The following KCNMA1 variants were observed in gnomAD, a reference collection of about 807,000 sequenced individuals.
KCNMA1 encodes potassium calcium-activated channel subfamily M alpha 1.
In KCNMA1, 29 loss-of-function variants were observed where a neutral mutation model predicts 140.0. That is an observed-to-expected ratio of 0.21 (90% CI 0.15 to 0.28). The LOEUF (loss-of-function observed/expected upper bound fraction) is 0.28, where lower values mean the gene tolerates loss of function less well. Ranked by LOEUF, KCNMA1 falls within the 10% of genes least tolerant of loss-of-function variation. KCNMA1 has a pLI of 1.00. For synonymous variants in KCNMA1, 612 were observed against 611.9 expected, an observed-to-expected ratio of 1.00 and a Z score of 0.00; for missense variants, 880 against 1,602.2, an observed-to-expected ratio of 0.55 and a Z score of 7.70.
intron 1 of KCNMA1, among the ~76,000 whole-genome samples, chr10:77,626,671 G>A (rs1001770804): frequency 2.0e-5 from 3 of 152,136 alleles, no homozygotes; most frequent in African/African-American, 7.2e-5. Flanking sequence ...TCTGCTCTTG[G>A]TTAACAAGCA....
chr10:77,259,060 A>G (rs984297135), intron 2 of KCNMA1, among the ~76,000 whole-genome samples: 1 of 152,222 alleles, frequency 6.6e-6, no homozygotes, highest in Non-Finnish European at 1.5e-5. Flanking sequence ...GAGCCATTTA[A>G]TCATCCATAG....
intron 1 of KCNMA1, among the ~76,000 whole-genome samples, chr10:77,496,309 G>A (rs1291238772): frequency 6.6e-6 from 1 of 152,044 alleles, no homozygotes; most frequent in Admixed American, 6.6e-5. Flanking sequence ...AAGAAAGAGA[G>A]GACAGGGCCG....
intron 1 of KCNMA1, among the ~76,000 whole-genome samples, chr10:77,416,819 T>C (rs1057349883): frequency 2.0e-5 from 3 of 152,196 alleles, no homozygotes; most frequent in African/African-American, 7.2e-5. Flanking sequence ...TGCACTGAAA[T>C]AATAAATGAA....
chr10:77,031,962 G>A (rs936854998), intron 15 of KCNMA1, among the ~76,000 whole-genome samples: 1 of 152,212 alleles, frequency 6.6e-6, no homozygotes, highest in Non-Finnish European at 1.5e-5. Flanking sequence ...TCTATGCAGA[G>A]AAAGCTTGGA....
rs1590957204 is a variant in KCNMA1, at chr10:76,927,818, A to T, written c.2903-12769T>A. On this transcript the variant is annotated intron_variant, in intron 23 of 27. Coordinates refer to ENST00000286628, the MANE Select transcript of KCNMA1 (RefSeq NM_001161352.2). ...TCTAGTTTTGTTGTTGGTAATTAGC[A>T]AACATTACCCAGCATAGACTCCCAC... Among the ~76,000 whole-genome samples, 3 of 152,350 alleles carry T rather than the reference A, an allele frequency of 2.0e-5. No homozygotes were observed. In the South Asian group the frequency reaches 6.2e-4, roughly 32 times the overall value.
intron 2 of KCNMA1, among the ~76,000 whole-genome samples, chr10:77,301,528 T>C (rs2076523502): frequency 6.6e-6 from 1 of 152,232 alleles, no homozygotes; most frequent in African/African-American, 2.4e-5. Flanking sequence ...TTCTTTTTCC[T>C]CTTGCATCCA....
At position 77,436,927 on chromosome 10, in the gene KCNMA1, TA is replaced by T. The variant is rs562875133; in HGVS notation, c.379-32905del. Among the ~76,000 whole-genome samples, 354 of 151,342 alleles carry T rather than the reference TA, an allele frequency of 2.3e-3. 2 individuals are homozygous for T. The highest frequency in any genetic ancestry group is 8.0e-3 in the African/African-American group (331 of 41,160). On this transcript the variant is annotated intron_variant, in intron 1 of 27. Transcript: ENST00000286628. ...AGCAAGGGAGGGGATTCTTGGTGCC[TA>T]AAGTCCTACTATTCCAGTCTTCTTT... is the stretch of plus-strand genomic sequence containing the variant.
rs546633197 is a variant in KCNMA1, at chr10:77,119,763, G to A, written c.884+1210C>T. 4.6e-5 allele frequency among the ~76,000 whole-genome samples: 7 copies of A among 152,264 alleles called. No homozygotes were observed. The South Asian group carries it at 1.5e-3, about 32-fold the overall frequency. On this transcript the variant is annotated intron_variant, in intron 6 of 27. Coordinates refer to ENST00000286628, the MANE Select transcript of KCNMA1 (RefSeq NM_001161352.2). Reference sequence around the variant, plus strand: ...TCAGGATAATGAACAGTAAAAGGCAGGAGGACATACTTTTAAAGACTTCAG... The same window carrying A: ...TCAGGATAATGAACAGTAAAAGGCAAGAGGACATACTTTTAAAGACTTCAG...
At position 77,439,583 on chromosome 10, in the gene KCNMA1, C is replaced by T. The variant is rs574810384; in HGVS notation, c.379-35560G>A. 3.9e-5 allele frequency among the ~76,000 whole-genome samples: 6 copies of T among 152,276 alleles called. No homozygotes were observed. In the South Asian group the frequency reaches 1.0e-3, roughly 26 times the overall value. On this transcript the variant is annotated intron_variant, in intron 1 of 27. Transcript: ENST00000286628. ...ATGGGTATTTGGGAAAAGCTCACCA[C>T]CCCAAAATATCTCCCTAAACCCTGA...
chr10:77,197,304 C>T (rs889440313), intron 3 of KCNMA1, among the ~76,000 whole-genome samples: 1 of 152,234 alleles, frequency 6.6e-6, no homozygotes, highest in African/African-American at 2.4e-5. Flanking sequence ...TAACATTATT[C>T]AGAAAGACAT....
At chr10:76,977,633 C>T (rs2078060237) in intron 19 of KCNMA1, 1 of 702,796 alleles carries the variant, frequency 1.4e-6, no homozygotes, top group Non-Finnish European at 2.6e-6. Flanking sequence ...CAATGTTCTT[C>T]CCAACCTGCC....
In KCNMA1 at chr10:76,983,332, G is replaced by A. The variant is rs780928559; in HGVS notation, c.2267-13265C>T. 3.4e-4 allele frequency among the ~76,000 whole-genome samples: 52 copies of A among 152,230 alleles called. No individual in the cohort carries two copies. In the Middle Eastern group the frequency reaches 0.01, roughly 30 times the overall value. ...AGATCCTCAACTTGCAGCCCTTAGC[G>A]CAGTATGCCTGAGAAAAGTTTAAAA... On this transcript the variant is annotated intron_variant, in intron 19 of 27. Coordinates refer to ENST00000286628, the MANE Select transcript of KCNMA1 (RefSeq NM_001161352.2).
chr10:77,549,827 A>G (rs2062336355), intron 1 of KCNMA1, among the ~76,000 whole-genome samples: 1 of 152,242 alleles, frequency 6.6e-6, no homozygotes, highest in South Asian at 2.1e-4. Flanking sequence ...TAAAACTAGT[A>G]TGTAGGTGTT....
At position 77,022,030 on chromosome 10, in the gene KCNMA1, G is replaced by T. The variant is rs80214534; in HGVS notation, c.1929-2931C>A. ...CCCCGTCTTCTTCAAAATATAAAAA[G>T]ACAAGGATTCTGGATAGTGATAACC... On this transcript the variant is annotated intron_variant, in intron 16 of 27. Coordinates refer to ENST00000286628, the MANE Select transcript of KCNMA1 (RefSeq NM_001161352.2). Among the ~76,000 whole-genome samples the T allele has an allele frequency of 2.3e-4, 35 of 152,264 alleles. No homozygotes were observed. The East Asian group carries it at 6.6e-3, about 29-fold the overall frequency.
intron 1 of KCNMA1, among the ~76,000 whole-genome samples, chr10:77,626,855 C>T (rs1045675028): frequency 6.6e-6 from 1 of 152,190 alleles, no homozygotes; most frequent in African/African-American, 2.4e-5. Flanking sequence ...AGTCATTTGA[C>T]ATGATTTATT....
At chr10:77,208,240 G>A (rs956570833) in intron 3 of KCNMA1, among the ~76,000 whole-genome samples, 1 of 152,164 alleles carries the variant, frequency 6.6e-6, no homozygotes, top group African/African-American at 2.4e-5. Flanking sequence ...CAATTTCCCA[G>A]GGTTTGTTTG....
At chr10:77,161,307 G>A (rs141373557) in intron 5 of KCNMA1, among the ~76,000 whole-genome samples, 1 of 152,274 alleles carries the variant, frequency 6.6e-6, no homozygotes, top group Non-Finnish European at 1.5e-5. Flanking sequence ...GGGTACAGCG[G>A]CATGATTATG....
chr10:76,876,655 A>G (rs1166004911), downstream of KCNMA1: 1 of 152,234 alleles, frequency 6.6e-6, no homozygotes, highest in African/African-American at 2.4e-5. Context: ...TAAATAAAGG[A>G]GAGCATGCAA....
At chr10:77,566,850 T>G (rs1473616921) in intron 1 of KCNMA1, among the ~76,000 whole-genome samples, 1 of 144,990 alleles carries the variant, frequency 6.9e-6, no homozygotes, top group African/African-American at 2.6e-5. Flanking sequence ...ATAAGGGAAG[T>G]AAAAAAGGGA....
Sources: gnomAD v4.1 joint callset for allele counts (sites outside exome capture counted in the v4.1 genomes callset) on GRCh38, gnomAD v4.1.1 for gene constraint, MANE v1.5 for transcripts, NCBI Gene and HGNC (gene_info 2026-07-23, HGNC 2026-07-21) for gene names.